Variants in ZNF106 observed in about 807,000 individuals in gnomAD.
The protein encoded by ZNF106 is zinc finger protein 106, also known as SH3-domain binding protein 3.
A neutral mutation model predicts 195.1 loss-of-function variants in ZNF106; 67 were observed. The observed-to-expected ratio is 0.34, with a 90% CI of 0.28 to 0.42. The LOEUF is 0.42. Ranked by LOEUF, ZNF106 falls within the 10% of genes least tolerant of loss-of-function variation. ZNF106 has a pLI of 1.00. For synonymous variants in ZNF106, 784 were observed against 818.6 expected, an observed-to-expected ratio of 0.96 and a Z score of 0.72; for missense variants, 2,118 against 2,304.5, an observed-to-expected ratio of 0.92 and a Z score of 1.66.
intron 10 of ZNF106, among the ~76,000 whole-genome samples, chr15:42,440,998 A>AAAATATATAT (rs1567009198): frequency 1.3e-4 from 3 of 23,578 alleles, no homozygotes; most frequent in Admixed American, 7.3e-4. Flanking sequence ...AAAAAAAAAA[A>AAAATATATAT]ATATATATAT....
chr15:42,450,417 CAGA>C lies in ZNF106; in HGVS notation c.1852_1854del (p.Ser618del). 1 of 1,614,156 alleles carries C rather than the reference CAGA, an allele frequency of 6.2e-7. No individual in the cohort carries two copies. The highest frequency in any genetic ancestry group is 1.6e-4 in the Middle Eastern group (1 of 6,062). ...ATTTTTGTTCCATGCTTTTCCGTGTCAGATGTCTCTCCATCACTTTCATCTTCT... is the reference window on the plus strand; with the variant it reads ...ATTTTTGTTCCATGCTTTTCCGTGTCTGTCTCTCCATCACTTTCATCTTCT... On this transcript the variant is annotated inframe_deletion, in exon 5 of 22. Transcript: ENST00000564754.
intron 2 of ZNF106, among the ~76,000 whole-genome samples, chr15:42,468,507 G>A (rs949783372): frequency 2.0e-5 from 3 of 151,488 alleles, no homozygotes; most frequent in Non-Finnish European, 4.4e-5. Context: ...CACTTTGGGA[G>A]GCTGAGGTGG....
chr15:42,450,801 C>G lies in ZNF106; in HGVS notation c.1471G>C (p.Asp491His). 2.5e-6 allele frequency: 4 copies of G among 1,614,076 alleles called. No homozygotes were observed. The highest frequency in any genetic ancestry group is 3.4e-6 in the Non-Finnish European group (4 of 1,180,016). ...GTGTTTTTTGAGATATTCTTTGGAT[C>G]TTGCTTTTGAGACAATGATTTAGTG... is the stretch of plus-strand genomic sequence containing the variant. ...PATKSLSQKQ[D>H]PKNISKNTKT... The change falls in exon 5 of 22, where the codon GAT (aspartate) becomes CAT (histidine). Residue 491 changes from aspartate (D) to histidine (H), a missense_variant. Coordinates refer to ENST00000564754, the MANE Select transcript of ZNF106 (RefSeq NM_001366845.3).
At chr15:42,417,714 A>G in intron 21 of ZNF106, 91 bp downstream of exon 21, 4 of 1,413,330 alleles carry the variant, frequency 2.8e-6, no homozygotes, top group South Asian at 1.5e-5. Context: ...CTCCCTATAT[A>G]TGGCAATTCT....
Position 42,426,064 on chromosome 15 carries a change from CA to C in ZNF106, c.4999-1040del, listed in dbSNP as rs150473889. 4.3e-3 allele frequency among the ~76,000 whole-genome samples: 657 copies of C among 152,274 alleles called. 6 individuals are homozygous for C. The highest frequency in any genetic ancestry group is 7.6e-3 in the Non-Finnish European group (520 of 68,022). ...GCAGAAAGCGACAGCTGGGAGCCTACATTGCTGAGCAATGATTTCAACAGTG... is the reference window on the plus strand; with the variant it reads ...GCAGAAAGCGACAGCTGGGAGCCTACTTGCTGAGCAATGATTTCAACAGTG... On this transcript the variant is annotated intron_variant, in intron 15 of 21. Transcript: ENST00000564754.
intron 7 of ZNF106, among the ~76,000 whole-genome samples, chr15:42,445,292 A>T (rs369141019): frequency 1.3e-5 from 2 of 152,024 alleles, no homozygotes; most frequent in South Asian, 2.1e-4. Context: ...CTGTTCTAGG[A>T]CTCGTTTCCC....
At chr15:42,428,690 CTG>C (rs1268707696) in intron 14 of ZNF106, among the ~76,000 whole-genome samples, 1 of 152,214 alleles carries the variant, frequency 6.6e-6, no homozygotes, top group East Asian at 1.9e-4. Context: ...GCTCTAGAAT[CTG>C]TGTTTTAAAA....
intron 3 of ZNF106, among the ~76,000 whole-genome samples, chr15:42,458,689 T>C (rs1422971181): frequency 4.7e-5 from 7 of 149,326 alleles, no homozygotes; most frequent in South Asian, 2.1e-4. Flanking sequence ...GCCTGGGTGA[T>C]AGAGCCAGAC....
intron 2 of ZNF106, 89 bp downstream of exon 2, chr15:42,472,147 A>C: frequency 1.6e-6 from 2 of 1,219,330 alleles, no homozygotes; most frequent in Non-Finnish European, 2.2e-6. Flanking sequence ...TTAATAACAT[A>C]TGTCTATTAA....
chr15:42,461,051 T>A (rs2056381068), intron 3 of ZNF106, among the ~76,000 whole-genome samples: 6 of 152,224 alleles, frequency 3.9e-5, no homozygotes, highest in African/African-American at 1.4e-4. Context: ...CACACACATC[T>A]GCGTTTTCAG....
rs2054442365 is a variant in ZNF106 at position 42,415,909 on chromosome 15, TTTAG to T, written c.*1391_*1394del. 1 of 153,048 alleles carries T rather than the reference TTTAG, an allele frequency of 6.5e-6. No homozygotes were observed. Among genetic ancestry groups the T allele is most frequent in the Non-Finnish European group, 1.5e-5 (1 of 68,786 alleles). 9.5% of individuals were successfully genotyped at this position (153,048 alleles called of 1,614,324 possible). On this transcript the variant is annotated 3_prime_UTR_variant, in exon 22 of 22. Transcript: ENST00000564754. ...CCCACCACGCCCGGCTTTTTGTATT[TTTAG>T]TAGAGACGGGGTTTTGCCATGTTGG...
At chr15:42,445,914 C>T (rs1490942481) in intron 7 of ZNF106, among the ~76,000 whole-genome samples, 3 of 152,172 alleles carry the variant, frequency 2.0e-5, no homozygotes, top group African/African-American at 7.2e-5. Context: ...CCATAATTCA[C>T]TTTAGAAAAG....
intron 9 of ZNF106, among the ~76,000 whole-genome samples, chr15:42,443,230 GAGA>G (rs1424872236): frequency 6.6e-6 from 1 of 152,122 alleles, no homozygotes; most frequent in Non-Finnish European, 1.5e-5. Flanking sequence ...TAATGGAAGG[GAGA>G]AGATTTGAAC....
chr15:42,445,381 C>G (rs1345808002), intron 7 of ZNF106, among the ~76,000 whole-genome samples: 1 of 152,224 alleles, frequency 6.6e-6, no homozygotes, highest in Admixed American at 6.5e-5. Flanking sequence ...CTTGCACTCT[C>G]TTTCCAATCC....
At chr15:42,456,655 T>TAA (rs139288961) in intron 4 of ZNF106, among the ~76,000 whole-genome samples, 3 of 133,246 alleles carry the variant, frequency 2.3e-5, no homozygotes, top group South Asian at 2.4e-4. Context: ...GACTCCATCT[T>TAA]AAAAAAAAAA....
chr15:42,456,875 G>A lies in ZNF106; in HGVS notation c.317+83C>T, dbSNP rs1253493656. ...TTTATACCTAAGTTTAAATGCCATG[G>A]GCTGACCAGTACAAAGATATAAAAT... On this transcript the variant is annotated intron_variant, in intron 4 of 21. Transcript: ENST00000564754. The A allele has an allele frequency of 8.4e-6, 11 of 1,301,852 alleles. No individual in the cohort carries two copies. In the Admixed American group the frequency reaches 8.9e-5, roughly 11 times the overall value. 80.6% of individuals were successfully genotyped at this position (1,301,852 alleles called of 1,614,324 possible). A position where few individuals can be genotyped will look rare whatever the true frequency, so the allele number is the denominator to read the frequency against.
chr15:42,488,370 T>C (rs1462452519), intron 1 of ZNF106, among the ~76,000 whole-genome samples: 1 of 152,202 alleles, frequency 6.6e-6, no homozygotes, highest in African/African-American at 2.4e-5. Flanking sequence ...TTCATACATT[T>C]ATTTAACCAA....
chr15:42,434,000 C>A (rs1232502403), intron 14 of ZNF106, among the ~76,000 whole-genome samples: 1 of 152,156 alleles, frequency 6.6e-6, no homozygotes, highest in Non-Finnish European at 1.5e-5. Context: ...AGGTGTGCAT[C>A]ACCACACCCA....
chr15:42,473,007 GA>G (rs1168170005), intron 1 of ZNF106, among the ~76,000 whole-genome samples: 2,103 of 88,356 alleles, frequency 0.024, 48 homozygotes, highest in African/African-American at 0.072. Flanking sequence ...CTCCAACTTT[GA>G]AAAAAAAAAA....
Sources: allele counts gnomAD v4.1 joint callset (sites outside exome capture counted in the v4.1 genomes callset), GRCh38; gene constraint gnomAD v4.1.1; transcripts MANE v1.5; gene names NCBI Gene and HGNC (gene_info 2026-07-23, HGNC 2026-07-21).